OSBPL3: variants seen among roughly 807,000 people sequenced by gnomAD.
The protein encoded by OSBPL3 is oxysterol-binding protein-related protein 3.
Under a neutral mutation model 120.1 loss-of-function variants are expected in OSBPL3, and 65 were observed. The observed-to-expected ratio is 0.54, with a 90% confidence interval of 0.44 to 0.67. OSBPL3 has a LOEUF of 0.67. Among genes scored for constraint, OSBPL3 ranks in the 30% least tolerant of loss-of-function variants. OSBPL3 has a pLI of 0.00. For missense variants in OSBPL3, 1,004 were observed against 1,082.1 expected (o/e 0.93, Z 1.01); for synonymous variants, 416 against 402.6 (o/e 1.03, Z -0.40).
chr7:24,888,680 C>A (rs1264166672), intron 2 of OSBPL3, among the ~76,000 whole-genome samples: 1 of 152,136 alleles, frequency 6.6e-6, no homozygotes, highest in Non-Finnish European at 1.5e-5. Flanking sequence ...TTCAAGGAAG[C>A]AAGCTCTTTT....
chr7:24,823,299 A>C (rs1451768344), intron 16 of OSBPL3, among the ~76,000 whole-genome samples: 1 of 123,002 alleles, frequency 8.1e-6, no homozygotes, highest in Non-Finnish European at 1.8e-5. Flanking sequence ...GATTAGGCAG[A>C]GACTAAGTGA....
chr7:24,828,312 T>C (rs191038346), intron 16 of OSBPL3, among the ~76,000 whole-genome samples: 23 of 152,252 alleles, frequency 1.5e-4, no homozygotes, highest in Admixed American at 7.2e-4. Context: ...TAACACTTTA[T>C]ATTAAAAGGC....
intron 20 of OSBPL3, among the ~76,000 whole-genome samples, chr7:24,807,409 C>T (rs776014370): frequency 6.6e-6 from 1 of 152,130 alleles, no homozygotes; most frequent in Non-Finnish European, 1.5e-5. Context: ...AGGAGAGTGA[C>T]TTGAACCTGG....
At position 24,979,916 on chromosome 7, in the gene OSBPL3, A is replaced by AGTTCCCCGGC; in HGVS notation, c.-181_-180insGCCGGGGAAC. The AGTTCCCCGGC allele has an allele frequency of 1.0e-6, 1 of 970,524 alleles. No individual in the cohort carries two copies. The highest frequency in any genetic ancestry group is 6.9e-5 in the Admixed American group (1 of 14,462). The allele number at this position is 970,524 out of a possible 1,614,324, so 60.1% of individuals were successfully genotyped here. A position where few individuals can be genotyped will look rare whatever the true frequency, so the allele number is the denominator to read the frequency against. On this transcript the variant is annotated 5_prime_UTR_variant, in exon 1 of 23. Transcript: ENST00000313367. ...CGCTGTGCAGCCGGAGACGCTCCCT[A>AGTTCCCCGGC]GTTCCCCGGGGCCGGGCTCCGGGGT...
chr7:24,892,258 A>C, intron 2 of OSBPL3, 119 bp downstream of exon 2: 1 of 962,252 alleles, frequency 1.0e-6, no homozygotes, highest in Non-Finnish European at 1.6e-6. Context: ...TCAAGAGATA[A>C]CCAAAAGTAA....
chr7:24,816,524 G>A (rs182624674), intron 18 of OSBPL3, 86 bp downstream of exon 18: 484 of 821,286 alleles, frequency 5.9e-4, no homozygotes, highest in Non-Finnish European at 8.5e-4. Flanking sequence ...TGCAACTGCC[G>A]GGGGCGGGGG....
chr7:24,810,472 A>G (rs533550084), intron 19 of OSBPL3: 147 of 152,864 alleles, frequency 9.6e-4, no homozygotes, highest in Non-Finnish European at 1.8e-3. Context: ...GTGGTAAGCC[A>G]AGGTCGCGCC....
At chr7:24,814,235 G>A (rs1045592404) in intron 19 of OSBPL3, among the ~76,000 whole-genome samples, 5 of 152,060 alleles carry the variant, frequency 3.3e-5, no homozygotes, top group Admixed American at 2.0e-4. Context: ...GGACAGTGGG[G>A]AAAAAGAGGG....
chr7:24,797,925 G>A lies in OSBPL3; in HGVS notation c.*2258C>T, dbSNP rs1791892766. 1.3e-5 allele frequency: 2 copies of A among 152,248 alleles called. No homozygotes were observed. The highest frequency in any genetic ancestry group is 1.9e-4 in the East Asian group (1 of 5,192). The allele number at this position is 152,248 out of a possible 1,614,324, so 9.4% of individuals were successfully genotyped here. A position where few individuals can be genotyped will look rare whatever the true frequency, so the allele number is the denominator to read the frequency against. ...ACATTTGGGGGAAAGATGCTTTTGA[G>A]AAAAGGGACAGAAGGAGAAAAGAAG... On this transcript the variant is annotated 3_prime_UTR_variant, in exon 23 of 23. Transcript: ENST00000313367. The surrounding 1 kb of genome is among the most constrained non-coding windows in gnomAD (Gnocchi z 4.8).
At position 24,933,023 on chromosome 7, in the gene OSBPL3, T is replaced by G. The variant is rs1811974202; in HGVS notation, c.-149-40402A>C. Among the ~76,000 whole-genome samples the G allele has an allele frequency of 6.6e-6, 1 of 152,220 alleles. No homozygotes were observed. The highest frequency in any genetic ancestry group is 1.5e-5 in the Non-Finnish European group (1 of 68,040). On this transcript the variant is annotated intron_variant, in intron 1 of 22. Transcript: ENST00000313367. The surrounding 1 kb of genome is among the most constrained non-coding windows in gnomAD (Gnocchi z 5.1). ...CCTGATGCTGCTGCACCAACTCCAG[T>G]CTTCACGGTTCACAGGAGGAGAATG...
rs116743399 is a variant in OSBPL3, at chr7:24,913,031, C to T, written c.-149-20410G>A. 6.2e-3 allele frequency among the ~76,000 whole-genome samples: 942 copies of T among 152,304 alleles called. 8 individuals are homozygous for T. Among genetic ancestry groups the T allele is most frequent in the African/African-American group, 0.021 (871 of 41,552 alleles). On this transcript the variant is annotated intron_variant, in intron 1 of 22. Coordinates refer to ENST00000313367, the MANE Select transcript of OSBPL3 (RefSeq NM_015550.4). The surrounding 1 kb of genome is among the most constrained non-coding windows in gnomAD (Gnocchi z 5.3). ...TCGGAAAAGAATGGCGACCGCCTCA[C>T]CTCAGCCGATAACCAGCATCAACCC... is the stretch of plus-strand genomic sequence containing the variant.
Position 24,916,710 on chromosome 7 carries a change from G to A in OSBPL3, c.-149-24089C>T, listed in dbSNP as rs780007877. Among the ~76,000 whole-genome samples, 2 of 151,802 alleles carry A rather than the reference G, an allele frequency of 1.3e-5. No individual in the cohort carries two copies. Among genetic ancestry groups the A allele is most frequent in the African/African-American group, 2.4e-5 (1 of 41,284 alleles). ...GAATCTGCCTAATATCATTCCTCCC[G>A]ACACCATCATCTAGTAGGGAAGTGT... On this transcript the variant is annotated intron_variant, in intron 1 of 22. Coordinates refer to ENST00000313367, the MANE Select transcript of OSBPL3 (RefSeq NM_015550.4). This position sits in a 1 kb window ranked among gnomAD's most constrained non-coding sequence, Gnocchi z 4.9.
intron 1 of OSBPL3, among the ~76,000 whole-genome samples, chr7:24,954,489 G>T (rs564413362): frequency 6.6e-6 from 1 of 151,962 alleles, no homozygotes; most frequent in Admixed American, 6.5e-5. Flanking sequence ...TGGCATTTCT[G>T]CTGCAAACAA....
chr7:24,825,985 T>C (rs1385553580), intron 16 of OSBPL3, among the ~76,000 whole-genome samples: 6 of 152,234 alleles, frequency 3.9e-5, no homozygotes, highest in Non-Finnish European at 7.3e-5. Context: ...GAAAAGCTAC[T>C]TTTAGACTGT....
intron 1 of OSBPL3, among the ~76,000 whole-genome samples, chr7:24,919,938 T>C (rs918598416): frequency 1.3e-5 from 2 of 151,766 alleles, no homozygotes; most frequent in African/African-American, 4.8e-5. Flanking sequence ...CATAAGGAAA[T>C]GCAAATCAAA....
Position 24,909,768 on chromosome 7 carries a change from G to GTTT in OSBPL3, c.-149-17150_-149-17148dup, listed in dbSNP as rs66683612. ...ATTTGACAAAATAAGGAAAGCTACT[G>GTTT]TTTTTTTTTTCTTTCTTTTTTTTTT... On this transcript the variant is annotated intron_variant, in intron 1 of 22. Transcript: ENST00000313367. Among the ~76,000 whole-genome samples, 28 of 110,602 alleles carry GTTT rather than the reference G, an allele frequency of 2.5e-4. No homozygotes were observed. The East Asian group carries it at 3.2e-3, about 12-fold the overall frequency. 72.6% of individuals were successfully genotyped at this position (110,602 alleles called of 152,430 possible).
Position 24,834,670 on chromosome 7 carries a change from G to A in OSBPL3, c.1562C>T (p.Pro521Leu), listed in dbSNP as rs777916636. Residue 521 changes from proline to leucine, a missense_variant, in exon 15 of 23, where the codon CCG (proline) becomes CTG (leucine). Physicochemically the swap from Pro to Leu is moderately conservative, Grantham distance 98. This residue lies in a region of OSBPL3 where 473 missense variants were observed against 568.0 expected (regional missense o/e 0.83). Transcript: ENST00000313367. The surrounding 1 kb of genome is among the most constrained non-coding windows in gnomAD (Gnocchi z 5.2). Reference sequence around the variant, plus strand: ...CCACAGGCTGATGTTACTGCTGCTCGGGCAGGGCGCCGGCAGGCACGTTCT... The same window carrying A: ...CCACAGGCTGATGTTACTGCTGCTCAGGCAGGGCGCCGGCAGGCACGTTCT... ...RRRTCLPAPC[P>L]SSSNISLWNI... The A allele has an allele frequency of 3.8e-5, 62 of 1,613,972 alleles. No individual in the cohort carries two copies. In the Middle Eastern group the frequency reaches 2.0e-3, roughly 51 times the overall value.
chr7:24,862,878 C>T lies in OSBPL3; in HGVS notation c.870+322G>A, dbSNP rs1432327821. 1.3e-5 allele frequency among the ~76,000 whole-genome samples: 2 copies of T among 152,114 alleles called. No homozygotes were observed. Among genetic ancestry groups the T allele is most frequent in the Non-Finnish European group, 2.9e-5 (2 of 68,016 alleles). On this transcript the variant is annotated intron_variant, in intron 9 of 22. Transcript: ENST00000313367. This position sits in a 1 kb window ranked among gnomAD's most constrained non-coding sequence, Gnocchi z 4.4. ...CTGCAGCCACAAAACAAGGCACAAA[C>T]ACAAGCAGGGAAGAGCACAGGCAGG...
intron 17 of OSBPL3, 84 bp from the exon 18 acceptor site, chr7:24,816,772 G>A (rs2128132145): frequency 1.5e-5 from 13 of 869,100 alleles, no homozygotes; most frequent in South Asian, 8.1e-5. Flanking sequence ...ATGATCAATC[G>A]CTATATAGTA....
Sources: gnomAD v4.1 joint callset for allele counts (sites outside exome capture counted in the v4.1 genomes callset) on GRCh38, gnomAD v4.1.1 for gene constraint, gnomAD v4.1.1 regional missense constraint, Gnocchi (gnomAD v3.1) non-coding constraint, MANE v1.5 for transcripts, NCBI Gene and HGNC (gene_info 2026-07-23, HGNC 2026-07-21) for gene names.